The following COL24A1 variants were observed in gnomAD, a reference collection of about 807,000 sequenced individuals.
The protein encoded by COL24A1 is collagen alpha-1(XXIV) chain.
Under a neutral mutation model 253.9 loss-of-function variants are expected in COL24A1, and 224 were observed. That is an observed-to-expected ratio of 0.88 (90% CI 0.79 to 0.99). The LOEUF (loss-of-function observed/expected upper bound fraction) is 0.99, where lower values mean the gene tolerates loss of function less well. Ranked by LOEUF, COL24A1 falls within the 50% of genes least tolerant of loss-of-function variation. The pLI is 0.00. For synonymous variants in COL24A1, 685 were observed against 673.7 expected, an observed-to-expected ratio of 1.02 and a Z score of -0.26; for missense variants, 2,131 against 2,068.5, an observed-to-expected ratio of 1.03 and a Z score of -0.59.
At chr1:85,868,865 GTT>G in intron 35 of COL24A1, 30 bp from the exon 36 acceptor site, 2 of 1,467,058 alleles carry the variant, frequency 1.4e-6, no homozygotes, top group South Asian at 1.3e-5. Context: ...GTATGATTGA[GTT>G]TTTTTTTGCT....
At chr1:86,067,814 A>T (rs1195427546) in intron 7 of COL24A1, among the ~76,000 whole-genome samples, 1 of 152,222 alleles carries the variant, frequency 6.6e-6, no homozygotes, top group Admixed American at 6.5e-5. Context: ...AAGCTTTGGC[A>T]TAGCTCCAAT....
At chr1:86,013,766 G>T (rs2101180952) in intron 19 of COL24A1, among the ~76,000 whole-genome samples, 1 of 152,288 alleles carries the variant, frequency 6.6e-6, no homozygotes. Context: ...AACCTGGGAG[G>T]CAGAGGTTGC....
Position 86,006,758 on chromosome 1 carries a change from C to A in COL24A1, c.2310+10393G>T, listed in dbSNP as rs553108309. On this transcript the variant is annotated intron_variant, in intron 19 of 59. Transcript: ENST00000370571. ...GGCACATCTGATAAAGAACTGTTAC[C>A]CCAAATATACAAAGAACTCTGAAAA... Among the ~76,000 whole-genome samples the A allele has an allele frequency of 3.4e-4, 51 of 151,610 alleles. No homozygotes were observed. In the South Asian group the frequency reaches 5.0e-3, roughly 15 times the overall value.
chr1:86,070,931 AAC>A (rs1298453889), intron 7 of COL24A1, among the ~76,000 whole-genome samples: 1 of 152,222 alleles, frequency 6.6e-6, no homozygotes, highest in African/African-American at 2.4e-5. Flanking sequence ...TACACAGAAA[AAC>A]ACAGGCTAAT....
At chr1:86,103,227 T>C (rs1383823518) in intron 5 of COL24A1, among the ~76,000 whole-genome samples, 1 of 152,212 alleles carries the variant, frequency 6.6e-6, no homozygotes, top group Non-Finnish European at 1.5e-5. Context: ...GTTTTCCATT[T>C]GCTTGATAGA....
chr1:85,870,172 T>C (rs61785083), intron 35 of COL24A1, among the ~76,000 whole-genome samples: 56,190 of 151,992 alleles, frequency 0.37, 11,566 homozygotes, highest in East Asian at 0.57. Context: ...ATGCACCCAA[T>C]ACAGGAGCAC....
intron 55 of COL24A1, among the ~76,000 whole-genome samples, chr1:85,756,592 C>T (rs1666285003): frequency 6.6e-6 from 1 of 152,166 alleles, no homozygotes; most frequent in African/African-American, 2.4e-5. Flanking sequence ...TGTGGAGAAA[C>T]TGGAATCTTG....
At chr1:86,070,444 CA>C (rs1282004383) in intron 7 of COL24A1, among the ~76,000 whole-genome samples, 4 of 152,096 alleles carry the variant, frequency 2.6e-5, no homozygotes, top group Admixed American at 6.5e-5. Flanking sequence ...GAGAACTCCC[CA>C]AACCTAGAGA....
At chr1:85,925,881 C>G (rs1015085803) in intron 24 of COL24A1, among the ~76,000 whole-genome samples, 3 of 152,122 alleles carry the variant, frequency 2.0e-5, no homozygotes, top group Admixed American at 6.6e-5. Flanking sequence ...TCAGAGTGAA[C>G]AGGCAACCTA....
chr1:85,855,684 T>C (rs1299155083), intron 37 of COL24A1, among the ~76,000 whole-genome samples: 3 of 152,182 alleles, frequency 2.0e-5, no homozygotes, highest in Admixed American at 6.6e-5. Context: ...TTTTTTGTTG[T>C]TGTATATCAG....
chr1:85,816,671 G>C (rs2101926145), intron 47 of COL24A1, 117 bp downstream of exon 47: 2 of 791,324 alleles, frequency 2.5e-6, no homozygotes, highest in East Asian at 2.5e-5. Flanking sequence ...TTAGAGAAAT[G>C]AACTGGCTTA....
chr1:86,059,060 G>T, intron 9 of COL24A1, 61 bp downstream of exon 9: 1 of 1,097,414 alleles, frequency 9.1e-7, no homozygotes, highest in Non-Finnish European at 1.3e-6. Context: ...CTCAAAATCA[G>T]AAATACAATG....
chr1:85,950,865 G>A (rs1689833362), intron 24 of COL24A1, among the ~76,000 whole-genome samples: 1 of 152,186 alleles, frequency 6.6e-6, no homozygotes, highest in Non-Finnish European at 1.5e-5. Flanking sequence ...CAAGAAGTTG[G>A]GTGGGACATT....
At chr1:86,048,436 G>T (rs186305882) in intron 11 of COL24A1, among the ~76,000 whole-genome samples, 1 of 151,920 alleles carries the variant, frequency 6.6e-6, no homozygotes, top group Non-Finnish European at 1.5e-5. Context: ...CACAGTACCC[G>T]TGAGGGGCCC....
intron 19 of COL24A1, among the ~76,000 whole-genome samples, chr1:86,016,450 A>G (rs1294299875): frequency 1.3e-5 from 2 of 152,208 alleles, no homozygotes; most frequent in Non-Finnish European, 2.9e-5. Flanking sequence ...TTAAATATGT[A>G]TGTACACTGA....
In COL24A1 at chr1:85,906,264, C is replaced by CTTTTTTTTTTTTTTTTTTTTTTTTTTT. The variant is rs10526604; in HGVS notation, c.2778+929_2778+930insAAAAAAAAAAAAAAAAAAAAAAAAAAA. 3.7e-3 allele frequency among the ~76,000 whole-genome samples: 289 copies of CTTTTTTTTTTTTTTTTTTTTTTTTTTT among 77,812 alleles called. 73 individuals carry two copies. Among genetic ancestry groups the CTTTTTTTTTTTTTTTTTTTTTTTTTTT allele is most frequent in the African/African-American group, 7.9e-3 (154 of 19,394 alleles). The allele number at this position is 77,812 out of a possible 152,430, so 51.0% of individuals were successfully genotyped here. ...TTTGCCAACTGGAAAACTGCAAGGT[C>CTTTTTTTTTTTTTTTTTTTTTTTTTTT]TTTTTTTTTTTTTACCATGGTTAGG... On this transcript the variant is annotated intron_variant, in intron 28 of 59. Transcript: ENST00000370571.
At chr1:85,826,302 G>C (rs1314200017) in intron 43 of COL24A1, among the ~76,000 whole-genome samples, 1 of 147,922 alleles carries the variant, frequency 6.8e-6, no homozygotes, top group East Asian at 2.0e-4. Flanking sequence ...TTTGGTAACA[G>C]TACCATGCTG....
At chr1:86,126,275 T>C in intron 2 of COL24A1, 61 bp from the exon 3 acceptor site, 3 of 1,437,324 alleles carry the variant, frequency 2.1e-6, no homozygotes, top group Non-Finnish European at 2.8e-6. Context: ...AGTGTTCATA[T>C]AAATGTTTGA....
intron 32 of COL24A1, among the ~76,000 whole-genome samples, chr1:85,887,819 C>T (rs72952579): frequency 0.014 from 2,060 of 152,150 alleles, 42 homozygotes; most frequent in African/African-American, 0.046. Flanking sequence ...TTTCTGCCAG[C>T]GTTTTGTAAA....
Sources: gnomAD v4.1 joint callset for allele counts (sites outside exome capture counted in the v4.1 genomes callset) on GRCh38, gnomAD v4.1.1 for gene constraint, MANE v1.5 for transcripts, NCBI Gene and HGNC (gene_info 2026-07-23, HGNC 2026-07-21) for gene names.